Variants in FAAH2 observed in about 807,000 individuals in gnomAD.
FAAH2 encodes fatty acid amide hydrolase 2.
In FAAH2, 60 loss-of-function variants were observed where a neutral mutation model predicts 36.9. That is an observed-to-expected ratio of 1.63 (90% CI 1.32 to 2.02). The LOEUF is 2.02. Ranked by LOEUF, FAAH2 falls within the 30% of genes most tolerant of loss-of-function variation. FAAH2 has a pLI of 0.00. For missense variants in FAAH2, 689 were observed against 397.5 expected (o/e 1.73, Z -6.23); for synonymous variants, 214 against 143.8 (o/e 1.49, Z -3.49).
At chrX:57,263,305 T>C in the FAAH2 span, among the ~76,000 whole-genome samples, 1 of 111,721 alleles carries the variant, frequency 9.0e-6, no homozygotes, top group Admixed American at 9.6e-5. Context: ...ATGCTAGGAA[T>C]GAACATGTGG....
chrX:57,420,278 G>A (rs956998689), intron 7 of FAAH2, among the ~76,000 whole-genome samples: 2 of 111,451 alleles, frequency 1.8e-5, no homozygotes, highest in Admixed American at 9.5e-5. Flanking sequence ...TAGCTTGATG[G>A]GGATGGCATC....
chrX:57,300,671 C>A (rs999103273), intron 2 of FAAH2, among the ~76,000 whole-genome samples: 34 of 111,583 alleles, frequency 3.0e-4, no homozygotes, highest in African/African-American at 1.0e-3. Flanking sequence ...AGTGAACAGG[C>A]AACCTACAAA....
chrX:57,447,749 A>G (rs1426694276), intron 9 of FAAH2, among the ~76,000 whole-genome samples: 60 of 110,748 alleles, frequency 5.4e-4, no homozygotes, highest in Non-Finnish European at 1.0e-3. Flanking sequence ...GGGCTCACAC[A>G]GCAAGAGGGT....
chrX:57,146,966 C>A, the FAAH2 span, among the ~76,000 whole-genome samples: 1 of 111,495 alleles, frequency 9.0e-6, no homozygotes, highest in Non-Finnish European at 1.9e-5. Context: ...ACTTGGTTAG[C>A]TAGCATTTTG....
At position 57,287,647 on chromosome X, in the gene FAAH2, T is replaced by C. The variant is rs190000797; in HGVS notation, c.192+630T>C. On this transcript the variant is annotated intron_variant, in intron 1 of 10. Coordinates refer to ENST00000374900, the MANE Select transcript of FAAH2 (RefSeq NM_174912.4). Reference sequence around the variant, plus strand: ...CACAAAAATTGTTGAAAGTTCTAAATTAAAAAAATTAAGCAGCTCATTCGT... The same window carrying C: ...CACAAAAATTGTTGAAAGTTCTAAACTAAAAAAATTAAGCAGCTCATTCGT... Among the ~76,000 whole-genome samples, 228 of 111,774 alleles carry C rather than the reference T, an allele frequency of 2.0e-3. 1 individual carries two copies. The highest frequency in any genetic ancestry group is 6.9e-3 in the African/African-American group (214 of 30,802).
At chrX:57,324,371 G>A (rs773539565) in intron 3 of FAAH2, among the ~76,000 whole-genome samples, 3 of 111,963 alleles carry the variant, frequency 2.7e-5, no homozygotes, top group Admixed American at 9.5e-5. Flanking sequence ...TTCCAATTCT[G>A]TGAAGAAAGT....
chrX:57,296,087 C>A (rs1402725851), intron 2 of FAAH2, among the ~76,000 whole-genome samples: 1 of 112,098 alleles, frequency 8.9e-6, no homozygotes, highest in Non-Finnish European at 1.9e-5. Flanking sequence ...CCCTGTCTGA[C>A]AGATTTGAAG....
intron 7 of FAAH2, among the ~76,000 whole-genome samples, 153 bp from the exon 8 acceptor site, chrX:57,431,757 GTTTTTGTT>G (rs1328898159): frequency 1.1e-4 from 4 of 37,643 alleles, no homozygotes; most frequent in African/African-American, 2.8e-4. Flanking sequence ...GTTTTGTTTT[GTTTTTGTT>G]TTTTTGTTTT....
intron 10 of FAAH2, among the ~76,000 whole-genome samples, chrX:57,454,973 A>G (rs1456258973): frequency 5.4e-5 from 6 of 111,415 alleles, no homozygotes; most frequent in African/African-American, 1.6e-4. Context: ...ACTACACAAG[A>G]TGACAAACCG....
intron 5 of FAAH2, among the ~76,000 whole-genome samples, chrX:57,377,481 A>T (rs1287365216): frequency 1.8e-5 from 2 of 111,161 alleles, no homozygotes; most frequent in African/African-American, 6.5e-5. Context: ...TATCTGAGGG[A>T]TCTGTTCTGT....
chrX:57,337,616 A>C (rs1313965527), intron 4 of FAAH2, among the ~76,000 whole-genome samples: 1 of 112,416 alleles, frequency 8.9e-6, no homozygotes, highest in African/African-American at 3.2e-5. Context: ...GCAAATCAAT[A>C]AATGTCATTT....
chrX:57,377,413 C>T (rs1419522102), intron 5 of FAAH2, among the ~76,000 whole-genome samples: 10 of 112,082 alleles, frequency 8.9e-5, no homozygotes, highest in African/African-American at 2.9e-4. Flanking sequence ...ATCCTTTTTC[C>T]ATTTCTTGTT....
intron 7 of FAAH2, among the ~76,000 whole-genome samples, chrX:57,411,948 T>C (rs2055709891): frequency 8.9e-6 from 1 of 111,946 alleles, no homozygotes; most frequent in South Asian, 3.7e-4. Context: ...CCTATGGGAG[T>C]ATTACTCTTT....
the FAAH2 span, among the ~76,000 whole-genome samples, chrX:57,258,190 T>G: frequency 9.0e-6 from 1 of 110,893 alleles, no homozygotes; most frequent in African/African-American, 3.3e-5. Flanking sequence ...GAATTGACAA[T>G]AAGAAAAGGA....
At chrX:57,360,243 T>G (rs2054256098) in intron 5 of FAAH2, among the ~76,000 whole-genome samples, 1 of 110,991 alleles carries the variant, frequency 9.0e-6, no homozygotes, top group Admixed American at 9.7e-5. Context: ...TTGAGAAGTT[T>G]TTGGCCTTCT....
chrX:57,145,552 T>C, the FAAH2 span, among the ~76,000 whole-genome samples: 5 of 112,064 alleles, frequency 4.5e-5, no homozygotes, highest in Non-Finnish European at 9.4e-5. Flanking sequence ...GCAGAAGCAT[T>C]TTAGTTTAAT....
chrX:57,345,793 C>A (rs1238935872), intron 5 of FAAH2, among the ~76,000 whole-genome samples: 1 of 111,284 alleles, frequency 9.0e-6, no homozygotes, highest in Non-Finnish European at 1.9e-5. Flanking sequence ...CAGTGCATTA[C>A]CTGAATCACA....
At chrX:57,342,195 A>T (rs894176058) in intron 5 of FAAH2, among the ~76,000 whole-genome samples, 1 of 111,966 alleles carries the variant, frequency 8.9e-6, no homozygotes, top group Non-Finnish European at 1.9e-5. Flanking sequence ...GCCATGAAAA[A>T]GAACAAGATC....
intron 7 of FAAH2, among the ~76,000 whole-genome samples, chrX:57,414,599 G>A (rs780730917): frequency 9.2e-4 from 102 of 111,345 alleles, no homozygotes; most frequent in Non-Finnish European, 1.6e-3. Context: ...TTTTTGATTC[G>A]CTACTGGATT....
Sources: gnomAD v4.1 joint callset for allele counts (sites outside exome capture counted in the v4.1 genomes callset) on GRCh38, gnomAD v4.1.1 for gene constraint, MANE v1.5 for transcripts, NCBI Gene and HGNC (gene_info 2026-07-23, HGNC 2026-07-21) for gene names.